The following FGF12 variants were observed in gnomAD, a reference collection of about 807,000 sequenced individuals.
FGF12 encodes fibroblast growth factor 12.
FGF12 carries 14 observed loss-of-function variants against 23.6 expected under a neutral mutation model. The ratio of observed to expected loss-of-function variants is 0.59; its 90% CI spans 0.39 to 0.93. FGF12 has a LOEUF of 0.93. Among genes scored for constraint, FGF12 ranks in the 40% least tolerant of loss-of-function variants. The pLI, the probability that FGF12 is intolerant of heterozygous loss-of-function variation, is 0.00. For missense variants in FGF12, 175 were observed against 217.8 expected (o/e 0.80, Z 1.24); for synonymous variants, 62 against 77.3 (o/e 0.80, Z 1.04).
intron 4 of FGF12, among the ~76,000 whole-genome samples, chr3:192,270,170 T>C (rs1713343642): frequency 1.3e-5 from 2 of 152,198 alleles, no homozygotes. Flanking sequence ...CTGATGACCA[T>C]AGAGCTATTT....
chr3:192,156,031 G>T (rs55792980), intron 5 of FGF12, among the ~76,000 whole-genome samples: 17,768 of 152,042 alleles, frequency 0.12, 1,156 homozygotes, highest in Middle Eastern at 0.18. Context: ...GAATAGATTT[G>T]CCATGCTTTA....
Position 192,514,611 on chromosome 3 carries a change from G to T in FGF12, c.14-154073C>A. ...GAGGGCGGCGGAGAGGGCCCCGGAA[G>T]AAGGGAAGGGGGCATTCTGCAGTGT... On this transcript the variant is annotated intron_variant, in intron 2 of 5. Transcript: ENST00000445105. This position sits in a 1 kb window ranked among gnomAD's most constrained non-coding sequence, Gnocchi z 4.9. The T allele has an allele frequency of 2.4e-6, 2 of 822,304 alleles. No homozygotes were observed. The highest frequency in any genetic ancestry group is 2.9e-6 in the Non-Finnish European group (2 of 680,936). 50.9% of individuals were successfully genotyped at this position (822,304 alleles called of 1,614,324 possible).
chr3:192,285,655 A>C (rs1237226970), intron 4 of FGF12, among the ~76,000 whole-genome samples: 1 of 152,060 alleles, frequency 6.6e-6, no homozygotes, highest in East Asian at 1.9e-4. Flanking sequence ...TGAAATGTCC[A>C]AAAAACTAAT....
intron 2 of FGF12, among the ~76,000 whole-genome samples, chr3:192,675,946 A>T (rs906693942): frequency 6.6e-6 from 1 of 152,272 alleles, no homozygotes; most frequent in East Asian, 1.9e-4. Flanking sequence ...TAAACCCAAT[A>T]CACCACACCA....
intron 4 of FGF12, among the ~76,000 whole-genome samples, chr3:192,172,128 T>G (rs114279586): frequency 0.041 from 6,279 of 151,656 alleles, 188 homozygotes; most frequent in Admixed American, 0.056. Context: ...GTAGCTTACC[T>G]CTGTAATGCC....
At chr3:192,604,093 G>A (rs1026954484) in intron 2 of FGF12, among the ~76,000 whole-genome samples, 6 of 152,030 alleles carry the variant, frequency 3.9e-5, no homozygotes, top group East Asian at 3.9e-4. Context: ...CTACTTGCAC[G>A]TTCATTTATA....
intron 2 of FGF12, among the ~76,000 whole-genome samples, chr3:192,716,957 T>A (rs1315673669): frequency 6.6e-6 from 1 of 152,116 alleles, no homozygotes; most frequent in African/African-American, 2.4e-5. Context: ...ACCCAATGCT[T>A]AATTAAGCCC....
chr3:192,171,634 G>C (rs1057099761), intron 4 of FGF12, among the ~76,000 whole-genome samples: 1 of 152,196 alleles, frequency 6.6e-6, no homozygotes, highest in Non-Finnish European at 1.5e-5. Context: ...AAAAACAAAT[G>C]CTATTGCATC....
At chr3:192,706,694 C>G (rs1366856233) in intron 2 of FGF12, among the ~76,000 whole-genome samples, 1 of 152,204 alleles carries the variant, frequency 6.6e-6, no homozygotes, top group Non-Finnish European at 1.5e-5. Flanking sequence ...CCGCTTACAA[C>G]ACACTAAGGC....
intron 2 of FGF12, among the ~76,000 whole-genome samples, chr3:192,407,513 T>A (rs1055444930): frequency 6.6e-6 from 1 of 151,716 alleles, no homozygotes; most frequent in African/African-American, 2.4e-5. Flanking sequence ...GGAGGAAGAG[T>A]TGGAAAAATA....
At chr3:192,658,027 T>C (rs762711149) in intron 2 of FGF12, among the ~76,000 whole-genome samples, 2 of 152,040 alleles carry the variant, frequency 1.3e-5, no homozygotes, top group African/African-American at 2.4e-5. Flanking sequence ...AGAAAGGACC[T>C]TTATCAGCAC....
In FGF12 at chr3:192,480,805, T is replaced by C. The variant is rs888125549; in HGVS notation, c.14-120267A>G. ...ATTAAGAATAAAATAACTCATTACATTGTGAAACCTAGAATGGAATCCAAA... is the reference window on the plus strand; with the variant it reads ...ATTAAGAATAAAATAACTCATTACACTGTGAAACCTAGAATGGAATCCAAA... On this transcript the variant is annotated intron_variant, in intron 2 of 5. Transcript: ENST00000445105. Among the ~76,000 whole-genome samples, 8 of 152,214 alleles carry C rather than the reference T, an allele frequency of 5.3e-5. No individual in the cohort carries two copies. The South Asian group carries it at 1.4e-3, about 28-fold the overall frequency.
chr3:192,555,754 T>C (rs1711743749), intron 2 of FGF12, among the ~76,000 whole-genome samples: 1 of 148,368 alleles, frequency 6.7e-6, no homozygotes, highest in African/African-American at 2.5e-5. Context: ...GCCGAGATCA[T>C]GCCATTGCAC....
chr3:192,517,599 T>G (rs2108844074), intron 2 of FGF12, among the ~76,000 whole-genome samples: 1 of 152,364 alleles, frequency 6.6e-6, no homozygotes, highest in South Asian at 2.1e-4. Context: ...TTGTTGGTAT[T>G]GAGCTTTCAG....
At chr3:192,342,016 A>C (rs1013995029) in intron 3 of FGF12, among the ~76,000 whole-genome samples, 2 of 149,232 alleles carry the variant, frequency 1.3e-5, no homozygotes, top group Non-Finnish European at 3.0e-5. Context: ...AGGCTAAAAA[A>C]AGAGTGACGA....
intron 2 of FGF12, among the ~76,000 whole-genome samples, chr3:192,566,081 C>T (rs13075929): frequency 0.35 from 52,798 of 151,932 alleles, 9,334 homozygotes; most frequent in South Asian, 0.51. Context: ...AACGAAGTTC[C>T]GTCTCAAAAA....
At chr3:192,454,967 A>G (rs1480608921) in intron 2 of FGF12, among the ~76,000 whole-genome samples, 1 of 152,150 alleles carries the variant, frequency 6.6e-6, no homozygotes, top group Non-Finnish European at 1.5e-5. Context: ...TCTAATAATT[A>G]TTTTAATTAT....
intron 2 of FGF12, among the ~76,000 whole-genome samples, chr3:192,411,801 A>T (rs1336822406): frequency 6.6e-6 from 1 of 152,252 alleles, no homozygotes; most frequent in African/African-American, 2.4e-5. Flanking sequence ...GAGGGGGTGT[A>T]TAATGAGGAC....
intron 2 of FGF12, among the ~76,000 whole-genome samples, chr3:192,581,790 A>G (rs1219350206): frequency 6.6e-6 from 1 of 152,120 alleles, no homozygotes; most frequent in Non-Finnish European, 1.5e-5. Context: ...CCTGCATCCA[A>G]ATCTACATGG....
Sources: allele counts gnomAD v4.1 joint callset (sites outside exome capture counted in the v4.1 genomes callset), GRCh38; gene constraint gnomAD v4.1.1; non-coding constraint Gnocchi (gnomAD v3.1); transcripts MANE v1.5; gene names NCBI Gene and HGNC (gene_info 2026-07-23, HGNC 2026-07-21).